B3GALT1: variants seen among roughly 807,000 people sequenced by gnomAD.
B3GALT1 encodes beta-1,3-galactosyltransferase 1, also known as UDP-Gal:betaGlcNAc beta 1,3-galactosyltransferase, polypeptide 1.
B3GALT1 carries 10 observed loss-of-function variants against 23.2 expected under a neutral mutation model. That is an observed-to-expected ratio of 0.43 (90% confidence interval 0.27 to 0.73). The LOEUF (loss-of-function observed/expected upper bound fraction) is 0.73. Among genes scored for constraint, B3GALT1 ranks in the 30% least tolerant of loss-of-function variants. The pLI is 0.21. For missense variants in B3GALT1, 299 were observed against 405.4 expected (o/e 0.74, Z 2.25); for synonymous variants, 156 against 141.5 (o/e 1.10, Z -0.73).
At chr2:167,597,598 C>T (rs1684803796) in intron 2 of B3GALT1, among the ~76,000 whole-genome samples, 1 of 152,228 alleles carries the variant, frequency 6.6e-6, no homozygotes, top group South Asian at 2.1e-4. Flanking sequence ...TATCCTACCA[C>T]ATCACCTGTT....
At chr2:167,462,888 T>C (rs1324076409) in intron 1 of B3GALT1, among the ~76,000 whole-genome samples, 1 of 152,168 alleles carries the variant, frequency 6.6e-6, no homozygotes, top group Non-Finnish European at 1.5e-5. Flanking sequence ...GGAAGCACCT[T>C]TTTCAGAGAA....
At chr2:167,794,526 T>C (rs1469786921) in intron 3 of B3GALT1, among the ~76,000 whole-genome samples, 3 of 152,156 alleles carry the variant, frequency 2.0e-5, no homozygotes, top group Non-Finnish European at 2.9e-5. Context: ...TAAGTGATAG[T>C]TTAGAATCCT....
intron 2 of B3GALT1, among the ~76,000 whole-genome samples, chr2:167,630,940 C>G (rs1685428936): frequency 7.1e-6 from 1 of 140,814 alleles, no homozygotes; most frequent in Non-Finnish European, 1.5e-5. Flanking sequence ...CCTTTTCTTC[C>G]TATTTTCAAA....
chr2:167,702,038 A>T (rs969753262), intron 3 of B3GALT1, among the ~76,000 whole-genome samples: 8 of 152,220 alleles, frequency 5.3e-5, no homozygotes, highest in African/African-American at 1.9e-4. Flanking sequence ...TGCAGAAAAA[A>T]CATTATACAT....
At chr2:167,314,146 A>T (rs143543223) in intron 1 of B3GALT1, among the ~76,000 whole-genome samples, 1 of 152,130 alleles carries the variant, frequency 6.6e-6, no homozygotes, top group Non-Finnish European at 1.5e-5. Context: ...ACTCATGTAT[A>T]TATAAATGCT....
At chr2:167,718,812 G>A (rs1483650638) in intron 3 of B3GALT1, among the ~76,000 whole-genome samples, 2 of 152,092 alleles carry the variant, frequency 1.3e-5, no homozygotes, top group Non-Finnish European at 2.9e-5. Context: ...GGGTGTTCAG[G>A]GGAGAAAGGA....
chr2:167,430,191 G>A (rs1485402139), intron 1 of B3GALT1, among the ~76,000 whole-genome samples: 1 of 152,140 alleles, frequency 6.6e-6, no homozygotes, highest in African/African-American at 2.4e-5. Context: ...AGGCTCTTTG[G>A]AGGAAGACAC....
intron 1 of B3GALT1, among the ~76,000 whole-genome samples, chr2:167,419,611 G>A (rs1208751780): frequency 6.6e-6 from 1 of 152,156 alleles, no homozygotes; most frequent in East Asian, 1.9e-4. Context: ...GGAAAGTAAG[G>A]ACAGAAAGCC....
At chr2:167,782,280 G>A (rs535953639) in intron 3 of B3GALT1, among the ~76,000 whole-genome samples, 38 of 152,276 alleles carry the variant, frequency 2.5e-4, no homozygotes, top group South Asian at 1.0e-3. Flanking sequence ...GAAGAGGAAC[G>A]GCGATGCCCC....
intron 1 of B3GALT1, among the ~76,000 whole-genome samples, chr2:167,418,338 C>G (rs1574071112): frequency 6.6e-6 from 1 of 151,328 alleles, no homozygotes; most frequent in East Asian, 2.0e-4. Flanking sequence ...CAGCTTCATG[C>G]AAAGCATAAT....
At chr2:167,371,774 T>G (rs1440931240) in intron 1 of B3GALT1, among the ~76,000 whole-genome samples, 1 of 151,394 alleles carries the variant, frequency 6.6e-6, no homozygotes, top group Admixed American at 6.6e-5. Flanking sequence ...ATGTTTTTAA[T>G]GGATCAGTTC....
At chr2:167,508,170 C>G (rs1699949004) in intron 2 of B3GALT1, among the ~76,000 whole-genome samples, 1 of 152,116 alleles carries the variant, frequency 6.6e-6, no homozygotes, top group African/African-American at 2.4e-5. Context: ...AAGGTATGAA[C>G]TTTAGGCGGA....
intron 2 of B3GALT1, among the ~76,000 whole-genome samples, chr2:167,644,958 A>G (rs935291891): frequency 1.3e-5 from 2 of 152,098 alleles, no homozygotes; most frequent in Non-Finnish European, 1.5e-5. Context: ...GCTTAATTGC[A>G]ACTGAATATT....
chr2:167,766,519 A>G (rs2105303829), intron 3 of B3GALT1, among the ~76,000 whole-genome samples: 1 of 152,300 alleles, frequency 6.6e-6, no homozygotes, highest in Middle Eastern at 3.4e-3. Flanking sequence ...CGCCTAAAGA[A>G]CTGAGGGTCC....
At chr2:167,800,510 C>T (rs933145041) in intron 3 of B3GALT1, among the ~76,000 whole-genome samples, 8 of 152,112 alleles carry the variant, frequency 5.3e-5, no homozygotes, top group African/African-American at 1.7e-4. Flanking sequence ...TAAAGATATA[C>T]AAATACAATT....
At chr2:167,863,836 A>C (rs558642711) in intron 4 of B3GALT1, among the ~76,000 whole-genome samples, 1 of 152,246 alleles carries the variant, frequency 6.6e-6, no homozygotes, top group African/African-American at 2.4e-5. Flanking sequence ...TCAGACTTCA[A>C]ATTCTCTGTT....
intron 1 of B3GALT1, among the ~76,000 whole-genome samples, chr2:167,477,812 A>G (rs1033147499): frequency 1.3e-5 from 2 of 152,212 alleles, no homozygotes; most frequent in Non-Finnish European, 2.9e-5. Context: ...ATTCCATTGA[A>G]TCATCAATTT....
At chr2:167,801,744 A>T (rs1175565198) in intron 3 of B3GALT1, among the ~76,000 whole-genome samples, 3 of 152,252 alleles carry the variant, frequency 2.0e-5, no homozygotes, top group African/African-American at 4.8e-5. Flanking sequence ...GCCATAATAC[A>T]ACATGACAAC....
At chr2:167,474,530 T>C (rs1404357506) in intron 1 of B3GALT1, among the ~76,000 whole-genome samples, 3 of 152,168 alleles carry the variant, frequency 2.0e-5, no homozygotes, top group Non-Finnish European at 4.4e-5. Context: ...AAGACTAAGC[T>C]TCAGGACCTA....
Sources: allele counts gnomAD v4.1 joint callset (sites outside exome capture counted in the v4.1 genomes callset), GRCh38; gene constraint gnomAD v4.1.1; transcripts MANE v1.5; gene names NCBI Gene and HGNC (gene_info 2026-07-23, HGNC 2026-07-21).